UTP4: variants seen among roughly 807,000 people sequenced by gnomAD.
UTP4 encodes UTP4 small subunit processome component, also known as U3 small nucleolar RNA-associated protein 4 homolog.
Under a neutral mutation model 82.4 loss-of-function variants are expected in UTP4, and 45 were observed. The observed-to-expected ratio is 0.55, with a 90% CI of 0.43 to 0.70. The LOEUF (loss-of-function observed/expected upper bound fraction) is 0.70. UTP4 is among the 30% of genes least tolerant of loss of function. The pLI is 0.00. For synonymous variants in UTP4, 348 were observed against 300.3 expected, an observed-to-expected ratio of 1.16 and a Z score of -1.64; for missense variants, 819 against 858.3, an observed-to-expected ratio of 0.95 and a Z score of 0.57.
intron 12 of UTP4, 37 bp from the exon 13 acceptor site, chr16:69,160,319 G>A (rs1963530749): frequency 1.3e-6 from 2 of 1,531,042 alleles, no homozygotes; most frequent in Non-Finnish European, 1.8e-6. Flanking sequence ...TGTGGACACT[G>A]TGTGAATTCA....
intron 15 of UTP4, chr16:69,166,832 G>A (rs761628936): frequency 3.6e-5 from 19 of 533,810 alleles, no homozygotes; most frequent in Non-Finnish European, 6.4e-5. Flanking sequence ...TCTACAGTGT[G>A]GCTGCAAGAG....
chr16:69,152,464 CTTTTTTTT>C (rs58914042), intron 8 of UTP4, among the ~76,000 whole-genome samples: 1 of 107,146 alleles, frequency 9.3e-6, no homozygotes, highest in Non-Finnish European at 2.0e-5. Flanking sequence ...TTCTGTTTTT[CTTTTTTTT>C]TTTTTTTTTT....
intron 16 of UTP4, 80 bp downstream of exon 16, chr16:69,167,265 T>C (rs1963725485): frequency 3.2e-6 from 3 of 928,100 alleles, no homozygotes; most frequent in Non-Finnish European, 3.5e-6. Context: ...AATCGGAAGA[T>C]AAGAGCACCT....
At chr16:69,151,810 A>G (rs893840936) in intron 8 of UTP4, among the ~76,000 whole-genome samples, 1 of 151,206 alleles carries the variant, frequency 6.6e-6, no homozygotes, top group African/African-American at 2.4e-5. Flanking sequence ...GTTGTGGGTT[A>G]TGGGAATTTT....
chr16:69,157,144 A>G lies in UTP4; in HGVS notation c.1348A>G (p.Thr450Ala), dbSNP rs148744105. 23 of 1,614,086 alleles carry G rather than the reference A, an allele frequency of 1.4e-5. No individual in the cohort carries two copies. Among genetic ancestry groups the G allele is most frequent in the African/African-American group, 1.2e-4 (9 of 74,940 alleles). ...ALQILFSEDS[T>A]KLFVASNQGA... is the part of the protein sequence containing the mutation. ...TCAGATTTTGTTTTCTGAAGATTCA[A>G]CAAAGCTCTTTGTAGCATCAAATCA... Residue 450 changes from threonine to alanine, a missense_variant, in exon 12 of 17, where the codon ACA becomes GCA. By Grantham distance (58) the Thr-to-Ala change is moderately conservative (BLOSUM62 0). Coordinates refer to ENST00000314423, the MANE Select transcript of UTP4 (RefSeq NM_032830.3).
chr16:69,149,763 C>G (rs1488246965), intron 6 of UTP4, among the ~76,000 whole-genome samples: 1 of 152,020 alleles, frequency 6.6e-6, no homozygotes, highest in African/African-American at 2.4e-5. Flanking sequence ...GAGTCTCGCC[C>G]TGTTGCCCAG....
chr16:69,154,297 G>A (rs1963352871), intron 9 of UTP4, 96 bp from the exon 10 acceptor site: 2 of 953,756 alleles, frequency 2.1e-6, no homozygotes, highest in Non-Finnish European at 3.4e-6. Context: ...CCCACTGATA[G>A]AGATTCCATT....
intron 12 of UTP4, among the ~76,000 whole-genome samples, chr16:69,159,745 T>C (rs574067048): frequency 6.6e-6 from 1 of 151,878 alleles, no homozygotes; most frequent in South Asian, 2.1e-4. Flanking sequence ...CCCAGCACTT[T>C]GGGAGGCCAA....
At chr16:69,147,107 A>G (rs191357564) in intron 6 of UTP4, among the ~76,000 whole-genome samples, 84 of 142,958 alleles carry the variant, frequency 5.9e-4, no homozygotes, top group Admixed American at 1.3e-3. Flanking sequence ...AACCCGGGAG[A>G]TAGACGTTGC....
At chr16:69,133,826 G>T (rs1962727030) in intron 2 of UTP4, among the ~76,000 whole-genome samples, 1 of 152,178 alleles carries the variant, frequency 6.6e-6, no homozygotes, top group Non-Finnish European at 1.5e-5. Context: ...GTCCTACCTA[G>T]AAATGTGACA....
In UTP4 at chr16:69,165,326, CAT is replaced by C; in HGVS notation, c.1648-14_1648-13del. The C allele has an allele frequency of 1.2e-6, 2 of 1,613,174 alleles. No individual in the cohort carries two copies. The highest frequency in any genetic ancestry group is 1.7e-6 in the Non-Finnish European group (2 of 1,179,228). ...AGTACCAGCCTGCATTTCTCTATGT[CAT>C]GTCCTCCCTCAGGTATTTGAGTACA... On this transcript the variant is annotated splice_polypyrimidine_tract_variant and intron_variant, in intron 14 of 16. Coordinates refer to ENST00000314423, the MANE Select transcript of UTP4 (RefSeq NM_032830.3).
chr16:69,134,820 G>A (rs528555895), intron 2 of UTP4, among the ~76,000 whole-genome samples: 49 of 148,820 alleles, frequency 3.3e-4, no homozygotes, highest in African/African-American at 1.1e-3. Flanking sequence ...CTTCCAAGTC[G>A]CTGGGATTAC....
intron 6 of UTP4, among the ~76,000 whole-genome samples, chr16:69,149,717 G>A (rs1172715072): frequency 6.6e-6 from 1 of 151,892 alleles, no homozygotes; most frequent in Non-Finnish European, 1.5e-5. Flanking sequence ...CTTTTTTATT[G>A]GTGTTTCTTG....
chr16:69,137,636 A>C (rs1889914744), intron 3 of UTP4, among the ~76,000 whole-genome samples, 165 bp from the exon 4 acceptor site: 1 of 152,160 alleles, frequency 6.6e-6, no homozygotes, highest in Admixed American at 6.6e-5. Context: ...TTTCTTGATA[A>C]CTAGTACTTT....
chr16:69,151,980 C>T (rs952652681), intron 8 of UTP4, among the ~76,000 whole-genome samples: 1 of 151,274 alleles, frequency 6.6e-6, no homozygotes, highest in Middle Eastern at 3.4e-3. Context: ...TGAGTCTACT[C>T]ATCAGTATCT....
chr16:69,136,227 G>A (rs1474647561), intron 2 of UTP4, among the ~76,000 whole-genome samples: 2 of 152,168 alleles, frequency 1.3e-5, no homozygotes, highest in African/African-American at 4.8e-5. Flanking sequence ...AAAATGCCTT[G>A]ATAGCTACGA....
chr16:69,150,798 C>T lies in UTP4; in HGVS notation c.911-15C>T. The T allele has an allele frequency of 6.2e-7, 1 of 1,613,380 alleles. No homozygotes were observed. Among genetic ancestry groups the T allele is most frequent in the Non-Finnish European group, 8.5e-7 (1 of 1,179,312 alleles). On this transcript the variant is annotated splice_polypyrimidine_tract_variant and intron_variant, in intron 7 of 16. Coordinates refer to ENST00000314423, the MANE Select transcript of UTP4 (RefSeq NM_032830.3). ...TGACTTCTAATTCTGTACACCTTCTCCCCTGCTTTCCCAGGCACTGACACC... is the reference window on the plus strand; with the variant it reads ...TGACTTCTAATTCTGTACACCTTCTTCCCTGCTTTCCCAGGCACTGACACC...
chr16:69,157,552 C>T (rs1487940503), intron 12 of UTP4, among the ~76,000 whole-genome samples: 1 of 152,074 alleles, frequency 6.6e-6, no homozygotes, highest in Non-Finnish European at 1.5e-5. Flanking sequence ...ATCCTGACAC[C>T]CAGAAATAGC....
In UTP4 at chr16:69,157,161, A is replaced by C; in HGVS notation, c.1365A>C (p.Ala455=). The C allele has an allele frequency of 6.2e-7, 1 of 1,614,218 alleles. No individual in the cohort carries two copies. Among genetic ancestry groups the C allele is most frequent in the Non-Finnish European group, 8.5e-7 (1 of 1,180,024 alleles). ...AAGATTCAACAAAGCTCTTTGTAGC[A>C]TCAAATCAAGGAGCTCTGCATATTG... ...FSEDSTKLFV[A]SNQGALHIVQ... The change falls in exon 12 of 17, where the codon GCA becomes GCC. Residue 455 remains alanine (A), a synonymous_variant. Coordinates refer to ENST00000314423, the MANE Select transcript of UTP4 (RefSeq NM_032830.3).
Sources: allele counts gnomAD v4.1 joint callset (sites outside exome capture counted in the v4.1 genomes callset), GRCh38; gene constraint gnomAD v4.1.1; transcripts MANE v1.5; gene names NCBI Gene and HGNC (gene_info 2026-07-23, HGNC 2026-07-21).